CADPS2: variants seen among roughly 807,000 people sequenced by gnomAD.
CADPS2 encodes the protein calcium dependent secretion activator 2.
CADPS2 carries 93 observed loss-of-function variants against 172.5 expected under a neutral mutation model. The ratio of observed to expected loss-of-function variants is 0.54; its 90% CI spans 0.46 to 0.64. The LOEUF is 0.64. Ranked by LOEUF, CADPS2 falls within the 30% of genes least tolerant of loss-of-function variation. The probability of loss-of-function intolerance (pLI) is 0.00; values close to 1 mark genes in which losing one functional copy is unlikely to be tolerated. For synonymous variants in CADPS2, 546 were observed against 555.2 expected, an observed-to-expected ratio of 0.98 and a Z score of 0.23; for missense variants, 1,420 against 1,565.9, an observed-to-expected ratio of 0.91 and a Z score of 1.57.
chr7:122,793,634 G>T (rs1050744704), intron 1 of CADPS2, among the ~76,000 whole-genome samples: 8 of 152,112 alleles, frequency 5.3e-5, no homozygotes, highest in African/African-American at 1.9e-4. Flanking sequence ...TACATTCAAG[G>T]TTAGTATTGA....
At chr7:122,561,877 A>G (rs1199769067) in intron 7 of CADPS2, among the ~76,000 whole-genome samples, 1 of 152,104 alleles carries the variant, frequency 6.6e-6, no homozygotes, top group African/African-American at 2.4e-5. Flanking sequence ...ACACTCACCA[A>G]GTATTTGTTG....
chr7:122,860,875 T>C (rs1313624918), intron 1 of CADPS2, among the ~76,000 whole-genome samples: 1 of 152,330 alleles, frequency 6.6e-6, no homozygotes, highest in Non-Finnish European at 1.5e-5. Context: ...CATAACATCC[T>C]CTAGGTTCAT....
At chr7:122,774,941 C>T (rs2093828241) in intron 1 of CADPS2, among the ~76,000 whole-genome samples, 1 of 152,032 alleles carries the variant, frequency 6.6e-6, no homozygotes, top group Non-Finnish European at 1.5e-5. Context: ...GGGTGATGGC[C>T]AAATTTCCTA....
At chr7:122,480,560 CTT>C (rs1487106705) in intron 12 of CADPS2, among the ~76,000 whole-genome samples, 6 of 152,040 alleles carry the variant, frequency 3.9e-5, no homozygotes, top group Non-Finnish European at 5.9e-5. Flanking sequence ...GCATGTATAA[CTT>C]AGCATTTTTT....
At chr7:122,700,319 T>C (rs571146237) in intron 2 of CADPS2, among the ~76,000 whole-genome samples, 2 of 152,268 alleles carry the variant, frequency 1.3e-5, no homozygotes, top group East Asian at 3.9e-4. Context: ...CATGGTAATT[T>C]GAGACAAGAA....
intron 2 of CADPS2, among the ~76,000 whole-genome samples, chr7:122,672,742 C>G (rs1456488266): frequency 6.6e-6 from 1 of 152,206 alleles, no homozygotes; most frequent in Non-Finnish European, 1.5e-5. Flanking sequence ...AATTATCGAC[C>G]AGTGACTTTC....
intron 17 of CADPS2, among the ~76,000 whole-genome samples, chr7:122,428,763 C>T (rs1010514513): frequency 6.6e-6 from 1 of 151,974 alleles, no homozygotes; most frequent in Admixed American, 6.6e-5. Context: ...GCCACTGTAC[C>T]CGGCAGAGTA....
chr7:122,768,929 A>G lies in CADPS2; in HGVS notation c.340-31861T>C, dbSNP rs2093631979. Among the ~76,000 whole-genome samples the G allele has an allele frequency of 2.6e-5, 4 of 152,100 alleles. No individual in the cohort carries two copies. In the South Asian group the frequency reaches 8.3e-4, roughly 32 times the overall value. On this transcript the variant is annotated intron_variant, in intron 1 of 29. Transcript: ENST00000449022. ...GGAAAATGTAGATAACCTGAAAGAC[A>G]GCATATGCTGCTAAGTGCCATTATC... is the stretch of plus-strand genomic sequence containing the variant.
intron 14 of CADPS2, among the ~76,000 whole-genome samples, chr7:122,460,350 A>T (rs1672107514): frequency 6.6e-6 from 1 of 152,044 alleles, no homozygotes; most frequent in South Asian, 2.1e-4. Flanking sequence ...AAATATCAAT[A>T]CTGAGAAAGC....
intron 14 of CADPS2, among the ~76,000 whole-genome samples, chr7:122,456,233 C>A (rs1003374235): frequency 1.3e-5 from 2 of 151,678 alleles, no homozygotes; most frequent in African/African-American, 4.8e-5. Flanking sequence ...ACATAATAAT[C>A]CTGCTTTGAC....
Position 122,851,510 on chromosome 7 carries a change from A to G in CADPS2, c.339+34489T>C, listed in dbSNP as rs116811116. Among the ~76,000 whole-genome samples, 482 of 152,282 alleles carry G rather than the reference A, an allele frequency of 3.2e-3. 2 individuals are homozygous for G. The highest frequency in any genetic ancestry group is 0.011 in the African/African-American group (466 of 41,562). ...CAGCATGTAAACCAGTACTAAAAAT[A>G]ATAGCTAAGACTTAATGAACCTGTA... On this transcript the variant is annotated intron_variant, in intron 1 of 29. Transcript: ENST00000449022.
At chr7:122,880,724 TTAAGA>T (rs1447115062) in intron 1 of CADPS2, among the ~76,000 whole-genome samples, 7 of 152,164 alleles carry the variant, frequency 4.6e-5, no homozygotes, top group Admixed American at 1.3e-4. Context: ...TAATGTGCAG[TTAAGA>T]TAAGAATCGC....
chr7:122,670,644 C>T (rs2081728802), intron 2 of CADPS2, among the ~76,000 whole-genome samples: 1 of 151,962 alleles, frequency 6.6e-6, no homozygotes, highest in East Asian at 1.9e-4. Flanking sequence ...AGTACAGGCA[C>T]AAGCCACCAC....
Position 122,867,878 on chromosome 7 carries a change from T to A in CADPS2, c.339+18121A>T, listed in dbSNP as rs145855264. 3.6e-3 allele frequency among the ~76,000 whole-genome samples: 541 copies of A among 152,182 alleles called. 1 individual carries two copies. The highest frequency in any genetic ancestry group is 0.027 in the Middle Eastern group (8 of 292). On this transcript the variant is annotated intron_variant, in intron 1 of 29. Transcript: ENST00000449022. The stretch of plus-strand genomic sequence containing the variant: ...TTCCTGGCTTGCTTTTGAGATATAG[T>A]CCTGCAATCTCACATTGGAAGGAAG...
rs896165119 is a variant in CADPS2 at position 122,576,033 on chromosome 7, C to T, written c.1335+5146G>A. ...GATTTCACAAGTTTGTTCATCAATG[C>T]CTTCTTTCTGTTCCAAGGTCCAATC... On this transcript the variant is annotated intron_variant, in intron 7 of 29. Transcript: ENST00000449022. Among the ~76,000 whole-genome samples, 7 of 152,154 alleles carry T rather than the reference C, an allele frequency of 4.6e-5. 1 individual carries two copies. The East Asian group carries it at 1.3e-3, about 29-fold the overall frequency.
At chr7:122,325,310 T>C (rs1234201357) in intron 29 of CADPS2, among the ~76,000 whole-genome samples, 167 bp downstream of exon 29, 1 of 152,122 alleles carries the variant, frequency 6.6e-6, no homozygotes, top group African/African-American at 2.4e-5. Flanking sequence ...AAGATAAATT[T>C]ATATTCATTT....
At chr7:122,378,884 G>C (rs941043909) in intron 25 of CADPS2, 1 of 153,768 alleles carries the variant, frequency 6.5e-6, no homozygotes, top group African/African-American at 2.4e-5. Flanking sequence ...AAAGATCATC[G>C]CTTTCATCAA....
chr7:122,700,501 C>T (rs545882392), intron 2 of CADPS2, among the ~76,000 whole-genome samples: 9 of 152,222 alleles, frequency 5.9e-5, no homozygotes, highest in African/African-American at 2.2e-4. Flanking sequence ...TGTATATTCA[C>T]AAAGTGACAC....
In CADPS2 at chr7:122,698,169, A is replaced by G. The variant is rs757546259; in HGVS notation, c.454-34600T>C. The G allele has an allele frequency of 2.5e-6, 4 of 1,613,896 alleles. No individual in the cohort carries two copies. The South Asian group carries it at 4.4e-5, about 18-fold the overall frequency. ...AAATTACGCAGCTATCCCCATTTGG[A>G]TTTATTTCTTCATCCCCCTCTTTTA... On this transcript the variant is annotated intron_variant, in intron 2 of 29. Transcript: ENST00000449022.
Sources: allele counts gnomAD v4.1 joint callset (sites outside exome capture counted in the v4.1 genomes callset), GRCh38; gene constraint gnomAD v4.1.1; transcripts MANE v1.5; gene names NCBI Gene and HGNC (gene_info 2026-07-23, HGNC 2026-07-21).